The following ODAM variants were observed in gnomAD, a reference collection of about 807,000 sequenced individuals.
The protein encoded by ODAM is odontogenic ameloblast-associated protein.
ODAM carries 55 observed loss-of-function variants against 48.5 expected under a neutral mutation model. The observed-to-expected ratio is 1.13, with a 90% confidence interval of 0.91 to 1.42. The LOEUF (loss-of-function observed/expected upper bound fraction) is 1.42, where lower values mean the gene tolerates loss of function less well. ODAM is among the 40% of genes most tolerant of loss of function. The pLI, the probability that ODAM is intolerant of heterozygous loss-of-function variation, is 0.00. For synonymous variants in ODAM, 127 were observed against 107.8 expected (o/e 1.18, Z -1.10); for missense variants, 353 against 323.6 (o/e 1.09, Z -0.70).
At chr4:70,203,046 T>C (rs1454954794) in intron 10 of ODAM, 110 bp from the exon 11 acceptor site, 2 of 1,301,936 alleles carry the variant, frequency 1.5e-6, no homozygotes, top group African/African-American at 3.0e-5. Context: ...AAATATGTGG[T>C]CTTAACTCTG....
At chr4:70,202,466 G>T (rs1470272797) in intron 9 of ODAM, 137 bp downstream of exon 9, 4 of 775,304 alleles carry the variant, frequency 5.2e-6, no homozygotes, top group Non-Finnish European at 6.5e-6. Context: ...ACAATATTTT[G>T]CCAGTAAAGA....
chr4:70,199,901 A>T (rs1177989789), intron 6 of ODAM, among the ~76,000 whole-genome samples: 1 of 152,050 alleles, frequency 6.6e-6, no homozygotes, highest in African/African-American at 2.4e-5. Flanking sequence ...ACAAATAAAC[A>T]GACACAGACA....
At chr4:70,203,414 G>T (rs1490402552) in intron 11 of ODAM, among the ~76,000 whole-genome samples, 200 bp downstream of exon 11, 3 of 151,768 alleles carry the variant, frequency 2.0e-5, no homozygotes, top group Non-Finnish European at 4.4e-5. Flanking sequence ...TGAGAATCAT[G>T]TCTGCCTATA....
chr4:70,199,399 T>G (rs909963021), intron 6 of ODAM, among the ~76,000 whole-genome samples: 3 of 152,052 alleles, frequency 2.0e-5, no homozygotes, highest in Non-Finnish European at 4.4e-5. Flanking sequence ...AAACAAAAGT[T>G]ACTTCTAGAC....
intron 11 of ODAM, among the ~76,000 whole-genome samples, chr4:70,203,863 T>C (rs1279557922): frequency 6.6e-6 from 1 of 151,952 alleles, no homozygotes; most frequent in East Asian, 1.9e-4. Flanking sequence ...TTTTGATCTC[T>C]CCTTCCATAA....
chr4:70,196,366 A>G (rs1360950070), intron 1 of ODAM, 163 bp from the exon 2 acceptor site: 5 of 516,012 alleles, frequency 9.7e-6, no homozygotes, highest in African/African-American at 7.8e-5. Context: ...AAAGAGTTAT[A>G]TCAGAAATTT....
intron 1 of ODAM, among the ~76,000 whole-genome samples, chr4:70,196,077 T>C (rs142735089): frequency 2.7e-4 from 41 of 152,124 alleles, no homozygotes; most frequent in African/African-American, 8.2e-4. Flanking sequence ...GTGGAAATTA[T>C]CTGGTATTGG....
chr4:70,200,654 AATAAG>A, intron 7 of ODAM, 53 bp downstream of exon 7: 1 of 1,198,448 alleles, frequency 8.3e-7, no homozygotes, highest in South Asian at 1.3e-5. Context: ...AAATAGAGAA[AATAAG>A]GTATATTACC....
intron 5 of ODAM, among the ~76,000 whole-genome samples, chr4:70,198,370 C>A (rs1223089926): frequency 6.6e-6 from 1 of 151,800 alleles, no homozygotes; most frequent in Non-Finnish European, 1.5e-5. Context: ...CAGCAACAAG[C>A]CAAAAAAGTT....
rs772214289 is a variant in ODAM, at chr4:70,202,794, G to A, written c.687G>A (p.Ala229=). Residue 229 remains alanine, a synonymous_variant, in exon 10 of 12, where the codon GCG becomes GCA. Transcript: ENST00000683306. ...AGATACCATATTTACAAAAAGAAGC[G>A]ATCAACTTTAGACATGACAGTGCAG... The part of the protein sequence containing the change: ...GEEIPYLQKE[A]INFRHDSAGV... 15 of 1,610,992 alleles carry A rather than the reference G, an allele frequency of 9.3e-6. No homozygotes were observed. Among genetic ancestry groups the A allele is most frequent in the East Asian group, 4.5e-5 (2 of 44,730 alleles).
At chr4:70,200,975 C>G (rs1408037142) in intron 7 of ODAM, among the ~76,000 whole-genome samples, 2 of 151,816 alleles carry the variant, frequency 1.3e-5, no homozygotes, top group Non-Finnish European at 2.9e-5. Context: ...TATTAGCTAC[C>G]TTGATGAAAG....
intron 6 of ODAM, chr4:70,200,208 G>A (rs1249640986): frequency 2.7e-6 from 1 of 367,116 alleles, no homozygotes; most frequent in Admixed American, 4.8e-5. Flanking sequence ...TGTATATAAA[G>A]TTTCTAAGAT....
rs1729571343 is a variant in ODAM, at chr4:70,204,355, T to C, written c.*210T>C. On this transcript the variant is annotated 3_prime_UTR_variant, in exon 12 of 12. Coordinates refer to ENST00000683306, the MANE Select transcript of ODAM (RefSeq NM_017855.4). ...AATAATACAATCATGTAATGAGTCT[T>C]GTCTTACAAAATTATATGTCTCTTC... is the stretch of plus-strand genomic sequence containing the variant. The C allele has an allele frequency of 2.0e-5, 3 of 152,182 alleles. No individual in the cohort carries two copies. Among genetic ancestry groups the C allele is most frequent in the South Asian group, 2.1e-4 (1 of 4,828 alleles). The allele number at this position is 152,182 out of a possible 1,614,324, so 9.4% of individuals were successfully genotyped here.
intron 4 of ODAM, 153 bp from the exon 5 acceptor site, chr4:70,197,771 G>C (rs937631772): frequency 1.6e-6 from 1 of 639,136 alleles, no homozygotes; most frequent in Non-Finnish European, 2.8e-6. Context: ...TTATTTGCTT[G>C]GTTCAAAATG....
intron 5 of ODAM, among the ~76,000 whole-genome samples, 194 bp downstream of exon 5, chr4:70,198,351 T>C (rs1729424943): frequency 6.6e-6 from 1 of 151,982 alleles, no homozygotes; most frequent in Admixed American, 6.6e-5. Context: ...AATCAGCTAC[T>C]CTAGGATACA....
chr4:70,198,649 C>A, intron 6 of ODAM, 23 bp downstream of exon 6: 1 of 1,587,440 alleles, frequency 6.3e-7, no homozygotes, highest in Non-Finnish European at 8.6e-7. Flanking sequence ...AACAACACTG[C>A]CCATAGAGAT....
chr4:70,201,706 TCA>T (rs1387914156), intron 8 of ODAM, among the ~76,000 whole-genome samples: 1 of 151,896 alleles, frequency 6.6e-6, no homozygotes, highest in Admixed American at 6.6e-5. Flanking sequence ...GAATGACTTC[TCA>T]CATGATTTGG....
intron 5 of ODAM, 139 bp from the exon 6 acceptor site, chr4:70,198,440 T>C: frequency 2.9e-6 from 2 of 692,548 alleles, no homozygotes; most frequent in Non-Finnish European, 4.8e-6. Flanking sequence ...TGTCAGCACA[T>C]GTAACGGATG....
At chr4:70,202,622 A>T in intron 9 of ODAM, 134 bp from the exon 10 acceptor site, 1 of 659,152 alleles carries the variant, frequency 1.5e-6, no homozygotes, top group Non-Finnish European at 2.6e-6. Flanking sequence ...ATAATCTAAA[A>T]ATACTAATAA....
Sources: allele counts gnomAD v4.1 joint callset (sites outside exome capture counted in the v4.1 genomes callset), GRCh38; gene constraint gnomAD v4.1.1; transcripts MANE v1.5; gene names NCBI Gene and HGNC (gene_info 2026-07-23, HGNC 2026-07-21).